ZNF273: variants seen among roughly 807,000 people sequenced by gnomAD.
ZNF273 encodes zinc finger protein 9.
A neutral mutation model predicts 14.9 loss-of-function variants in ZNF273; 11 were observed. The observed-to-expected ratio is 0.74, with a 90% CI of 0.46 to 1.22. The LOEUF (loss-of-function observed/expected upper bound fraction) is 1.22, where lower values mean the gene tolerates loss of function less well. Among genes scored for constraint, ZNF273 ranks in the 50% most tolerant of loss-of-function variants. The pLI is 0.00. For synonymous variants in ZNF273, 199 were observed against 223.9 expected (o/e 0.89, Z 0.99); for missense variants, 577 against 660.6 (o/e 0.87, Z 1.39).
At chr7:64,921,831 G>GA (rs1794483045) in intron 3 of ZNF273, among the ~76,000 whole-genome samples, 1 of 151,628 alleles carries the variant, frequency 6.6e-6, no homozygotes, top group Non-Finnish European at 1.5e-5. Flanking sequence ...GTTTCACCAT[G>GA]TTGGCCAGGC....
Position 64,912,832 on chromosome 7 carries a change from T to TTTTTTTTTTTTG in ZNF273, c.103-4738_103-4737insGTTTTTTTTTTT, listed in dbSNP as rs1793652483. 9.8e-5 allele frequency among the ~76,000 whole-genome samples: 6 copies of TTTTTTTTTTTTG among 61,198 alleles called. 1 individual carries two copies. The highest frequency in any genetic ancestry group is 2.0e-4 in the Non-Finnish European group (6 of 30,226). The allele number at this position is 61,198 out of a possible 152,430, so 40.1% of individuals were successfully genotyped here. ...TGACTCAGGATTCATTTTAGTTTTT[T>TTTTTTTTTTTTG]TTTTTTTTTTTTTTGAGATTGAGTT... On this transcript the variant is annotated intron_variant, in intron 1 of 3. Transcript: ENST00000476120.
At chr7:64,884,794 ATTC>A (rs1263792363) in intron 1 of ZNF273, among the ~76,000 whole-genome samples, 1 of 152,202 alleles carries the variant, frequency 6.6e-6, no homozygotes, top group Non-Finnish European at 1.5e-5. Context: ...CCCACCTCAC[ATTC>A]TCGAATCGCC....
chr7:64,915,347 T>G (rs1157887122), intron 1 of ZNF273, among the ~76,000 whole-genome samples: 3 of 152,084 alleles, frequency 2.0e-5, no homozygotes, highest in Admixed American at 2.0e-4. Flanking sequence ...AGGTGTGAAG[T>G]GGGAAATCAG....
intron 3 of ZNF273, among the ~76,000 whole-genome samples, chr7:64,922,646 G>T (rs1794554004): frequency 6.6e-6 from 1 of 151,584 alleles, no homozygotes; most frequent in African/African-American, 2.4e-5. Context: ...ACAGAGCTTT[G>T]CCATGTTACC....
chr7:64,916,267 C>T (rs982741006), intron 1 of ZNF273, among the ~76,000 whole-genome samples: 3 of 151,004 alleles, frequency 2.0e-5, no homozygotes, highest in African/African-American at 4.9e-5. Flanking sequence ...AAGATAGGCA[C>T]GTCGCTCACG....
At chr7:64,889,696 G>C (rs994104315), downstream of ZNF273, 2 of 985,916 alleles carry the variant, frequency 2.0e-6, no homozygotes, top group South Asian at 4.7e-5. The surrounding 1 kb of genome is among the most constrained non-coding windows in gnomAD (Gnocchi z 4.2). Context: ...CCCCGCAAAC[G>C]CTCGGGATGC....
intron 3 of ZNF273, among the ~76,000 whole-genome samples, chr7:64,896,992 T>C (rs562789840): frequency 1.3e-5 from 2 of 152,190 alleles, no homozygotes; most frequent in South Asian, 4.1e-4. Context: ...CTCTTGTTAT[T>C]TGCAACAACA....
intron 1 of ZNF273, among the ~76,000 whole-genome samples, chr7:64,886,147 T>TCACCTTATTCA (rs1791564333): frequency 6.6e-6 from 1 of 152,234 alleles, no homozygotes; most frequent in Non-Finnish European, 1.5e-5. Flanking sequence ...CACAGCCACC[T>TCACCTTATTCA]GTTGCAGAGC....
downstream of ZNF273, chr7:64,882,530 A>G (rs990932977): frequency 3.9e-5 from 6 of 152,252 alleles, no homozygotes; most frequent in African/African-American, 1.4e-4. Context: ...GCCAGCGGCG[A>G]GCACTGGCTT....
chr7:64,928,178 C>G lies in ZNF273; in HGVS notation c.850C>G (p.His284Asp). The change falls in exon 4 of 4, where the codon CAT becomes GAT. Residue 284 changes from histidine (H) to aspartate (D), a missense_variant. Physicochemically the swap from His to Asp is moderately conservative, Grantham distance 81 (BLOSUM62 -1). Around this residue, in one of 3 missense-constraint regions of ZNF273, gnomAD observed 411 missense variants for 440.4 expected, o/e 0.93. Coordinates refer to ENST00000476120, the MANE Select transcript of ZNF273 (RefSeq NM_021148.3). ...SLTLTKHKKI[H>D]TEEKPYKCED... Reference sequence around the variant, plus strand: ...AACTCTTACTAAACATAAAAAAATTCATACTGAAGAGAAACCTTACAAATG... The same window carrying G: ...AACTCTTACTAAACATAAAAAAATTGATACTGAAGAGAAACCTTACAAATG... 1 of 1,613,038 alleles carries G rather than the reference C, an allele frequency of 6.2e-7. No homozygotes were observed. Among genetic ancestry groups the G allele is most frequent in the South Asian group, 1.1e-5 (1 of 90,898 alleles).
At chr7:64,889,608 C>T (rs535224735), downstream of ZNF273, 2 of 986,036 alleles carry the variant, frequency 2.0e-6, no homozygotes, top group Admixed American at 6.1e-5. The surrounding 1 kb of genome is among the most constrained non-coding windows in gnomAD (Gnocchi z 4.2). Flanking sequence ...GGTCCCCGCG[C>T]TGTTGGAAAG....
intron 1 of ZNF273, among the ~76,000 whole-genome samples, chr7:64,912,480 C>A (rs1029600613): frequency 2.6e-5 from 4 of 151,330 alleles, no homozygotes; most frequent in Non-Finnish European, 5.9e-5. Context: ...ATGAATAACA[C>A]CTCTTTTCTT....
At position 64,912,830 on chromosome 7, in the gene ZNF273, T is replaced by TTTTTTTTTTTG. The variant is rs1554386347; in HGVS notation, c.103-4741_103-4740insGTTTTTTTTTT. ...TTTGACTCAGGATTCATTTTAGTTT[T>TTTTTTTTTTTG]TTTTTTTTTTTTTTTTGAGATTGAG... On this transcript the variant is annotated intron_variant, in intron 1 of 3. Transcript: ENST00000476120. Among the ~76,000 whole-genome samples, 234 of 94,316 alleles carry TTTTTTTTTTTG rather than the reference T, an allele frequency of 2.5e-3. 40 individuals carry two copies. Among genetic ancestry groups the TTTTTTTTTTTG allele is most frequent in the Middle Eastern group, 0.024 (4 of 166 alleles). The allele number at this position is 94,316 out of a possible 152,430, so 61.9% of individuals were successfully genotyped here.
In ZNF273 at chr7:64,903,310, A is replaced by G. The variant is rs377569490; in HGVS notation, c.-8A>G. ...AGTCGCAGCTCCAGGTCTCGTCTTCACTGCTCTATGTCCTCTGCTCCTAGA... is the reference window on the plus strand; with the variant it reads ...AGTCGCAGCTCCAGGTCTCGTCTTCGCTGCTCTATGTCCTCTGCTCCTAGA... On this transcript the variant is annotated 5_prime_UTR_variant, in exon 1 of 4. Transcript: ENST00000476120. The G allele has an allele frequency of 4.4e-6, 7 of 1,607,566 alleles. No individual in the cohort carries two copies. Among genetic ancestry groups the G allele is most frequent in the South Asian group, 1.1e-5 (1 of 90,884 alleles).
chr7:64,900,874 C>CA (rs1792667339), upstream of ZNF273, among the ~76,000 whole-genome samples: 1 of 152,198 alleles, frequency 6.6e-6, no homozygotes, highest in African/African-American at 2.4e-5. Flanking sequence ...CTCTCTGTCA[C>CA]AGAGAGCTCT....
chr7:64,921,147 C>T (rs1794420617), intron 3 of ZNF273, among the ~76,000 whole-genome samples: 1 of 151,968 alleles, frequency 6.6e-6, no homozygotes, highest in African/African-American at 2.4e-5. Context: ...TCACTGCAAC[C>T]TCCACTTCCT....
chr7:64,912,826 G>GTTTTTTGTTGTTGTTGTTTTTTTTTTT lies in ZNF273; in HGVS notation c.103-4749_103-4748insGTTGTTGTTGTTTTTTTTTTTTTTTTT. Reference sequence around the variant, plus strand: ...TCTTTTTGACTCAGGATTCATTTTAGTTTTTTTTTTTTTTTTTTTTGAGAT... The same window carrying GTTTTTTGTTGTTGTTGTTTTTTTTTTT: ...TCTTTTTGACTCAGGATTCATTTTAGTTTTTTGTTGTTGTTGTTTTTTTTTTTTTTTTTTTTTTTTTTTTTTTGAGAT... On this transcript the variant is annotated intron_variant, in intron 1 of 3. Transcript: ENST00000476120. Among the ~76,000 whole-genome samples the GTTTTTTGTTGTTGTTGTTTTTTTTTTT allele has an allele frequency of 9.5e-3, 349 of 36,562 alleles. 5 individuals carry two copies. The highest frequency in any genetic ancestry group is 0.026 in the East Asian group (42 of 1,614). 24.0% of individuals were successfully genotyped at this position (36,562 alleles called of 152,430 possible). A position where few individuals can be genotyped will look rare whatever the true frequency, so the allele number is the denominator to read the frequency against.
In ZNF273 at chr7:64,888,851, C is replaced by T. The variant is rs1005203238; in HGVS notation, n.552C>T. The T allele has an allele frequency of 3.0e-6, 3 of 985,812 alleles. No homozygotes were observed. In the African/African-American group the frequency reaches 5.2e-5, roughly 17 times the overall value. The allele number at this position is 985,812 out of a possible 1,614,324, so 61.1% of individuals were successfully genotyped here. A position where few individuals can be genotyped will look rare whatever the true frequency, so the allele number is the denominator to read the frequency against. The stretch of plus-strand genomic sequence containing the variant: ...AAGAAACCGTCTGAACACAAAGTTG[C>T]TCAAGCCATGTTCATCTATCTGCCA... On this transcript the variant is annotated non_coding_transcript_exon_variant, in exon 2 of 2. Transcript: ENST00000471926.
chr7:64,918,654 C>A (rs1794189253), intron 3 of ZNF273, among the ~76,000 whole-genome samples: 1 of 57,848 alleles, frequency 1.7e-5, no homozygotes, highest in African/African-American at 7.3e-5. Context: ...AGTGAGACTC[C>A]ATCTCAAAAA....
Sources: allele counts gnomAD v4.1 joint callset (sites outside exome capture counted in the v4.1 genomes callset), GRCh38; gene constraint gnomAD v4.1.1; regional missense constraint gnomAD v4.1.1; non-coding constraint Gnocchi (gnomAD v3.1); transcripts MANE v1.5; gene names NCBI Gene and HGNC (gene_info 2026-07-23, HGNC 2026-07-21).